HNRNPLL: variants seen among roughly 807,000 people sequenced by gnomAD.
HNRNPLL encodes the protein heterogeneous nuclear ribonucleoprotein L like, also known as heterogeneous nuclear ribonucleoprotein L-like.
Under a neutral mutation model 67.1 loss-of-function variants are expected in HNRNPLL, and 25 were observed. The observed-to-expected ratio is 0.37, with a 90% confidence interval of 0.27 to 0.52. HNRNPLL has a LOEUF of 0.52. Ranked by LOEUF, HNRNPLL falls within the 20% of genes least tolerant of loss-of-function variation. The pLI, the probability that HNRNPLL is intolerant of heterozygous loss-of-function variation, is 0.90. For synonymous variants in HNRNPLL, 267 were observed against 241.7 expected (o/e 1.10, Z -0.97); for missense variants, 542 against 673.9 (o/e 0.80, Z 2.17).
intron 6 of HNRNPLL, 142 bp downstream of exon 6, chr2:38,581,771 T>C: frequency 1.5e-6 from 1 of 654,004 alleles, no homozygotes; most frequent in East Asian, 2.7e-5. Context: ...TTTTCCAGCA[T>C]TACATGGCCT....
intron 4 of HNRNPLL, 56 bp from the exon 5 acceptor site, chr2:38,582,224 C>A (rs377217149): frequency 9.1e-7 from 1 of 1,100,980 alleles, no homozygotes; most frequent in Admixed American, 1.7e-5. Flanking sequence ...TCATTATTCA[C>A]TCCCAAAGGA....
At chr2:38,581,718 T>C in intron 6 of HNRNPLL, 195 bp downstream of exon 6, 1 of 567,148 alleles carries the variant, frequency 1.8e-6, no homozygotes, top group Non-Finnish European at 3.1e-6. Context: ...TAAATATAAA[T>C]AGCTCAGTAC....
chr2:38,602,540 C>T lies in HNRNPLL; in HGVS notation c.87G>A (p.Glu29=), dbSNP rs13028141. The T allele has an allele frequency of 5.4e-3, 8,499 of 1,560,728 alleles. 40 individuals carry two copies. Among genetic ancestry groups the T allele is most frequent in the Non-Finnish European group, 6.8e-3 (7,820 of 1,153,158 alleles). Residue 29 remains glutamate, a synonymous_variant, in exon 1 of 13, where the codon GAG becomes GAA. Transcript: ENST00000449105. ...ESQAKRLKTE[E]GEIDYSAEEG... is the part of the protein sequence containing the mutation. ...CCTCGGCCGAGTAGTCGATCTCCCC[C>T]TCCTCGGTCTTGAGACGCTTGGCCT...
chr2:38,577,209 C>A (rs1021811240), intron 7 of HNRNPLL, among the ~76,000 whole-genome samples: 5 of 151,828 alleles, frequency 3.3e-5, no homozygotes, highest in African/African-American at 1.2e-4. Flanking sequence ...AAAACCAAAC[C>A]AAAATATAAT....
chr2:38,593,629 C>T (rs1041942389), intron 1 of HNRNPLL, among the ~76,000 whole-genome samples: 2 of 152,158 alleles, frequency 1.3e-5, no homozygotes, highest in Admixed American at 6.5e-5. Context: ...GTGGCTCATG[C>T]CTGTAATCCA....
At position 38,569,786 on chromosome 2, in the gene HNRNPLL, T is replaced by C. The variant is rs1573722431; in HGVS notation, c.1214+18A>G. On this transcript the variant is annotated intron_variant, in intron 9 of 12. Transcript: ENST00000449105. ...TTTAAATATTTTTTAAAATTTATCA[T>C]TTAAGATAGATAATTACCAAACATT... is the stretch of plus-strand genomic sequence containing the variant. 7.8e-7 allele frequency: 1 copy of C among 1,276,114 alleles called. No homozygotes were observed. The allele number at this position is 1,276,114 out of a possible 1,614,324, so 79.0% of individuals were successfully genotyped here.
intron 1 of HNRNPLL, among the ~76,000 whole-genome samples, chr2:38,595,570 C>A (rs944412023): frequency 4.6e-5 from 7 of 152,138 alleles, no homozygotes; most frequent in Admixed American, 1.3e-4. Flanking sequence ...GTGGGCCGGG[C>A]GCAGTGGCTC....
intron 1 of HNRNPLL, among the ~76,000 whole-genome samples, chr2:38,599,100 C>T (rs1383898001): frequency 6.6e-6 from 1 of 152,216 alleles, no homozygotes; most frequent in Non-Finnish European, 1.5e-5. Flanking sequence ...GCAAGTATAA[C>T]AGAATAGTGT....
chr2:38,592,337 A>C (rs1432791338), intron 1 of HNRNPLL, among the ~76,000 whole-genome samples: 1 of 152,150 alleles, frequency 6.6e-6, no homozygotes, highest in Non-Finnish European at 1.5e-5. Context: ...CCAATCAAAA[A>C]TTTTTCCTCA....
intron 2 of HNRNPLL, among the ~76,000 whole-genome samples, chr2:38,588,518 G>C (rs1018145650): frequency 7.6e-6 from 1 of 130,888 alleles, no homozygotes; most frequent in Admixed American, 8.3e-5. Flanking sequence ...CACTGCACCA[G>C]CTTGGGTGAC....
rs1410751626 is a variant in HNRNPLL at position 38,563,560 on chromosome 2, T to G, written c.*622A>C. ...AAACTGGACTAGAAACAGAGGCATGTCAATACAAATGGACAGTGACTTAAA... is the reference window on the plus strand; with the variant it reads ...AAACTGGACTAGAAACAGAGGCATGGCAATACAAATGGACAGTGACTTAAA... On this transcript the variant is annotated 3_prime_UTR_variant, in exon 13 of 13. Transcript: ENST00000449105. 1 of 152,102 alleles carries G rather than the reference T, an allele frequency of 6.6e-6. No homozygotes were observed. The highest frequency in any genetic ancestry group is 2.4e-5 in the African/African-American group (1 of 41,434). 9.4% of individuals were successfully genotyped at this position (152,102 alleles called of 1,614,324 possible).
Position 38,564,085 on chromosome 2 carries a change from G to A in HNRNPLL, c.*97C>T. 1 of 790,444 alleles carries A rather than the reference G, an allele frequency of 1.3e-6. No individual in the cohort carries two copies. The allele number at this position is 790,444 out of a possible 1,614,324, so 49.0% of individuals were successfully genotyped here. On this transcript the variant is annotated 3_prime_UTR_variant, in exon 13 of 13. Coordinates refer to ENST00000449105, the MANE Select transcript of HNRNPLL (RefSeq NM_138394.4). ...AGAACAGGATCTTAAAGTAAGCAAGGCAACATGAGATCAACCATTTTAGAT... is the reference window on the plus strand; with the variant it reads ...AGAACAGGATCTTAAAGTAAGCAAGACAACATGAGATCAACCATTTTAGAT...
intron 1 of HNRNPLL, among the ~76,000 whole-genome samples, chr2:38,594,953 A>G (rs2148383613): frequency 6.6e-6 from 1 of 151,930 alleles, no homozygotes; most frequent in South Asian, 2.1e-4. Context: ...AAAAAGAAAT[A>G]ACCATGTACC....
intron 1 of HNRNPLL, among the ~76,000 whole-genome samples, chr2:38,600,200 A>G (rs922645319): frequency 6.6e-6 from 1 of 152,202 alleles, no homozygotes; most frequent in Non-Finnish European, 1.5e-5. Flanking sequence ...TGTTAAATGA[A>G]AACAATTCAC....
At chr2:38,602,352 C>G (rs1400586230) in intron 1 of HNRNPLL, 86 bp downstream of exon 1, 38 of 1,338,428 alleles carry the variant, frequency 2.8e-5, no homozygotes. Flanking sequence ...AAAAGGCTAA[C>G]TGAAGCAAGC....
chr2:38,562,438 TAA>T lies in HNRNPLL; in HGVS notation c.*1742_*1743del, dbSNP rs1205687804. 3 of 152,114 alleles carry T rather than the reference TAA, an allele frequency of 2.0e-5. No individual in the cohort carries two copies. Among genetic ancestry groups the T allele is most frequent in the African/African-American group, 7.2e-5 (3 of 41,430 alleles). 9.4% of individuals were successfully genotyped at this position (152,114 alleles called of 1,614,324 possible). A position where few individuals can be genotyped will look rare whatever the true frequency, so the allele number is the denominator to read the frequency against. On this transcript the variant is annotated 3_prime_UTR_variant, in exon 13 of 13. Coordinates refer to ENST00000449105, the MANE Select transcript of HNRNPLL (RefSeq NM_138394.4). ...GTTTATTTCTTAAAATCTTAGGCAT[TAA>T]AAAGTCTGTAATTCTGACAACCCAC...
At position 38,573,433 on chromosome 2, in the gene HNRNPLL, A is replaced by G; in HGVS notation, c.875-6T>C. The G allele has an allele frequency of 6.4e-7, 1 of 1,560,736 alleles. No individual in the cohort carries two copies. Among genetic ancestry groups the G allele is most frequent in the East Asian group, 2.2e-5 (1 of 44,474 alleles). ...CAATAATGGACCATGGGATCCTATAAAAATGATCAAAATAAATAAATTAGT... is the reference window on the plus strand; with the variant it reads ...CAATAATGGACCATGGGATCCTATAGAAATGATCAAAATAAATAAATTAGT... On this transcript the variant is annotated splice_polypyrimidine_tract_variant and splice_region_variant and intron_variant, in intron 7 of 12. Transcript: ENST00000449105.
chr2:38,566,605 A>C lies in HNRNPLL; in HGVS notation c.1573+1594T>G, dbSNP rs2148333879. The stretch of plus-strand genomic sequence containing the variant: ...AACGTAAACTGGTGCAACCTTTATA[A>C]AGTACAATCTAGCAACATTTTACCT... On this transcript the variant is annotated intron_variant, in intron 12 of 12. Transcript: ENST00000449105. Among the ~76,000 whole-genome samples the C allele has an allele frequency of 1.3e-5, 2 of 152,046 alleles. 1 individual carries two copies. Among genetic ancestry groups the C allele is most frequent in the Admixed American group, 1.3e-4 (2 of 15,270 alleles).
intron 2 of HNRNPLL, among the ~76,000 whole-genome samples, chr2:38,588,973 C>T (rs932466755): frequency 2.6e-5 from 4 of 152,176 alleles, no homozygotes; most frequent in African/African-American, 9.7e-5. Context: ...AAAATCTTTA[C>T]CAATTTCTAA....
Sources: allele counts gnomAD v4.1 joint callset (sites outside exome capture counted in the v4.1 genomes callset), GRCh38; gene constraint gnomAD v4.1.1; transcripts MANE v1.5; gene names NCBI Gene and HGNC (gene_info 2026-07-23, HGNC 2026-07-21).